WDR18: variants seen among roughly 807,000 people sequenced by gnomAD.
WDR18 encodes WD repeat domain 18, also known as WD repeat-containing protein 18.
WDR18 carries 33 observed loss-of-function variants against 49.6 expected under a neutral mutation model. The ratio of observed to expected loss-of-function variants is 0.67; its 90% CI spans 0.50 to 0.89. WDR18 has a LOEUF of 0.89. Among genes scored for constraint, WDR18 ranks in the 40% least tolerant of loss-of-function variants. WDR18 has a pLI of 0.00. For missense variants in WDR18, 653 were observed against 593.6 expected, an observed-to-expected ratio of 1.10 and a Z score of -1.04; for synonymous variants, 315 against 263.6, an observed-to-expected ratio of 1.19 and a Z score of -1.89.
intron 8 of WDR18, among the ~76,000 whole-genome samples, chr19:993,658 C>T (rs564604902): frequency 7.9e-4 from 121 of 152,356 alleles, no homozygotes; most frequent in Non-Finnish European, 1.5e-3. Flanking sequence ...TGCTCACTGT[C>T]TGTGAGGCCC....
chr19:993,081 C>G (rs1739818058), intron 8 of WDR18, among the ~76,000 whole-genome samples: 2 of 152,244 alleles, frequency 1.3e-5, no homozygotes, highest in Non-Finnish European at 2.9e-5. Flanking sequence ...GGGACCGCCA[C>G]CGTCTGGGCA....
intron 8 of WDR18, 83 bp downstream of exon 8, chr19:992,204 C>T: frequency 7.3e-7 from 1 of 1,373,118 alleles, no homozygotes; most frequent in Non-Finnish European, 9.4e-7. Context: ...TCCCTTGGTC[C>T]TGGCGCCCGT....
Sources: gnomAD v4.1 joint callset for allele counts (sites outside exome capture counted in the v4.1 genomes callset) on GRCh38, gnomAD v4.1.1 for gene constraint, MANE v1.5 for transcripts, NCBI Gene and HGNC (gene_info 2026-07-23, HGNC 2026-07-21) for gene names.